Variants in NR3C2 observed in about 807,000 individuals in gnomAD.
NR3C2 encodes nuclear receptor subfamily 3 group C member 2, also known as mineralocorticoid receptor.
Under a neutral mutation model 86.4 loss-of-function variants are expected in NR3C2, and 15 were observed. The ratio of observed to expected loss-of-function variants is 0.17; its 90% CI spans 0.12 to 0.27. The LOEUF (loss-of-function observed/expected upper bound fraction) is 0.27. Among genes scored for constraint, NR3C2 ranks in the 10% least tolerant of loss-of-function variants. The pLI is 1.00. For synonymous variants in NR3C2, 458 were observed against 450.5 expected (o/e 1.02, Z -0.21); for missense variants, 960 against 1,195.6 (o/e 0.80, Z 2.91).
chr4:148,244,988 G>A (rs1429235677), intron 3 of NR3C2, among the ~76,000 whole-genome samples: 1 of 152,072 alleles, frequency 6.6e-6, no homozygotes, highest in Non-Finnish European at 1.5e-5. Flanking sequence ...CAATTTCAAT[G>A]ATTTTTTTTT....
intron 3 of NR3C2, among the ~76,000 whole-genome samples, chr4:148,223,566 CAT>C (rs1219961347): frequency 2.6e-5 from 4 of 151,882 alleles, no homozygotes; most frequent in Non-Finnish European, 5.9e-5. Flanking sequence ...TAAAGGAAGA[CAT>C]AAAGAAAGAA....
chr4:148,095,087 G>A (rs1731222733), intron 8 of NR3C2, among the ~76,000 whole-genome samples: 1 of 152,212 alleles, frequency 6.6e-6, no homozygotes, highest in Non-Finnish European at 1.5e-5. Context: ...GATGGATGGT[G>A]GTGATGGTTG....
intron 6 of NR3C2, among the ~76,000 whole-genome samples, chr4:148,136,998 C>T (rs1733378383): frequency 6.6e-6 from 1 of 152,198 alleles, no homozygotes; most frequent in Non-Finnish European, 1.5e-5. Context: ...TTACTACTGA[C>T]TGGCGAAAGG....
intron 2 of NR3C2, among the ~76,000 whole-genome samples, chr4:148,276,245 A>G (rs1296296557): frequency 6.6e-6 from 1 of 152,120 alleles, no homozygotes; most frequent in African/African-American, 2.4e-5. Flanking sequence ...TATTTTGTTG[A>G]TTTCCTATTA....
chr4:148,147,695 C>T (rs1056496874), intron 6 of NR3C2, among the ~76,000 whole-genome samples: 5 of 152,320 alleles, frequency 3.3e-5, no homozygotes, highest in African/African-American at 7.2e-5. Flanking sequence ...TGCACTCTGC[C>T]CTCAAGTGAG....
At chr4:148,325,704 T>C (rs947184474) in intron 2 of NR3C2, among the ~76,000 whole-genome samples, 4 of 152,196 alleles carry the variant, frequency 2.6e-5, no homozygotes, top group African/African-American at 9.6e-5. Flanking sequence ...TACTGTTGGG[T>C]ACACAGCCGG....
chr4:148,384,401 T>C (rs1026225197), intron 2 of NR3C2, among the ~76,000 whole-genome samples: 1 of 152,140 alleles, frequency 6.6e-6, no homozygotes, highest in Non-Finnish European at 1.5e-5. Flanking sequence ...AGAATTGTAT[T>C]ACTGCTTTAT....
chr4:148,379,406 C>T (rs895610324), intron 2 of NR3C2, among the ~76,000 whole-genome samples: 2 of 152,146 alleles, frequency 1.3e-5, no homozygotes, highest in African/African-American at 4.8e-5. Flanking sequence ...AGCAGAACTG[C>T]AAAGCAGAAC....
intron 5 of NR3C2, among the ~76,000 whole-genome samples, chr4:148,153,426 C>A (rs6817983): frequency 0.22 from 33,975 of 152,020 alleles, 3,893 homozygotes; most frequent in Middle Eastern, 0.34. Context: ...GATCTGCTTG[C>A]CTCAGCCTCC....
intron 2 of NR3C2, among the ~76,000 whole-genome samples, chr4:148,299,576 C>T (rs937236879): frequency 3.9e-5 from 6 of 152,204 alleles, no homozygotes; most frequent in Non-Finnish European, 5.9e-5. Context: ...GGCAGGCTGG[C>T]CAGCATTCTC....
At chr4:148,086,278 C>T (rs956642042) in intron 8 of NR3C2, among the ~76,000 whole-genome samples, 3 of 152,188 alleles carry the variant, frequency 2.0e-5, no homozygotes, top group Non-Finnish European at 4.4e-5. Context: ...AGCTTATCTA[C>T]CACGATCAAG....
At chr4:148,398,801 T>C (rs1323433561) in intron 2 of NR3C2, among the ~76,000 whole-genome samples, 1 of 152,150 alleles carries the variant, frequency 6.6e-6, no homozygotes, top group East Asian at 1.9e-4. Flanking sequence ...TAATTACCAA[T>C]TGTAATGCAC....
intron 2 of NR3C2, among the ~76,000 whole-genome samples, chr4:148,280,959 G>A (rs1359990952): frequency 2.0e-5 from 3 of 152,208 alleles, no homozygotes; most frequent in Non-Finnish European, 4.4e-5. Flanking sequence ...TTAGAGCTTA[G>A]CTGAGAAAGC....
upstream of NR3C2, chr4:148,445,034 G>T: frequency 1.0e-6 from 1 of 981,646 alleles, no homozygotes; most frequent in East Asian, 1.1e-4. Flanking sequence ...ACGAGCGGGA[G>T]GAGGCGGCAC....
chr4:148,209,500 C>T (rs1237020551), intron 3 of NR3C2, among the ~76,000 whole-genome samples: 1 of 152,080 alleles, frequency 6.6e-6, no homozygotes, highest in African/African-American at 2.4e-5. Flanking sequence ...GTCTGACTAT[C>T]GTGCACAGGC....
chr4:148,309,627 T>C (rs947768989), intron 2 of NR3C2, among the ~76,000 whole-genome samples: 3 of 152,136 alleles, frequency 2.0e-5, no homozygotes, highest in Admixed American at 1.3e-4. Context: ...AACACAATTT[T>C]GCCCTTAAAA....
chr4:148,133,662 A>T (rs549484346), intron 6 of NR3C2, among the ~76,000 whole-genome samples: 52 of 152,360 alleles, frequency 3.4e-4, no homozygotes, highest in African/African-American at 1.2e-3. Flanking sequence ...TATTCTTCCT[A>T]AAGCAAAAGT....
rs34170216 is a variant in NR3C2, at chr4:148,274,705, C to CT, written c.1758-14589dup. Among the ~76,000 whole-genome samples the CT allele has an allele frequency of 1.3e-3, 169 of 129,210 alleles. 1 individual carries two copies. The highest frequency in any genetic ancestry group is 7.6e-3 in the South Asian group (30 of 3,942). 84.8% of individuals were successfully genotyped at this position (129,210 alleles called of 152,430 possible). A position where few individuals can be genotyped will look rare whatever the true frequency, so the allele number is the denominator to read the frequency against. On this transcript the variant is annotated intron_variant, in intron 2 of 8. Coordinates refer to ENST00000358102, the MANE Select transcript of NR3C2 (RefSeq NM_000901.5). ...ATTATCCAGTCTCAGGTAGTTTTTTCTTTTTTTTTTTTTTTTTGAGATGGA... is the reference window on the plus strand; with the variant it reads ...ATTATCCAGTCTCAGGTAGTTTTTTCTTTTTTTTTTTTTTTTTTGAGATGGA...
chr4:148,119,018 G>T (rs192655085), intron 7 of NR3C2, among the ~76,000 whole-genome samples: 1 of 152,072 alleles, frequency 6.6e-6, no homozygotes, highest in Non-Finnish European at 1.5e-5. Context: ...CCGCCAGAGA[G>T]ACCCTTATAA....
Sources: gnomAD v4.1 joint callset for allele counts (sites outside exome capture counted in the v4.1 genomes callset) on GRCh38, gnomAD v4.1.1 for gene constraint, MANE v1.5 for transcripts, NCBI Gene and HGNC (gene_info 2026-07-23, HGNC 2026-07-21) for gene names.